The following RET variants were observed in gnomAD, a reference collection of about 807,000 sequenced individuals.
The protein encoded by RET is ret proto-oncogene, also known as proto-oncogene tyrosine-protein kinase receptor Ret.
In RET, 19 loss-of-function variants were observed where a neutral mutation model predicts 118.3. The observed-to-expected ratio is 0.16, with a 90% CI of 0.11 to 0.24. RET has a LOEUF of 0.24. Among genes scored for constraint, RET ranks in the 10% least tolerant of loss-of-function variants. RET has a pLI of 1.00. For synonymous variants in RET, 597 were observed against 644.1 expected (o/e 0.93, Z 1.11); for missense variants, 1,219 against 1,502.1 (o/e 0.81, Z 3.12).
chr10:43,099,035 CTA>C (rs1837579200), intron 1 of RET, among the ~76,000 whole-genome samples: 1 of 152,200 alleles, frequency 6.6e-6, no homozygotes, highest in Non-Finnish European at 1.5e-5. Context: ...GTTCCAAAAA[CTA>C]TTTTAAAAGC....
In RET at chr10:43,116,452, TCAGATGA is replaced by T. The variant is rs900795292; in HGVS notation, c.2137-128_2137-122del. 16 of 1,167,244 alleles carry T rather than the reference TCAGATGA, an allele frequency of 1.4e-5. No homozygotes were observed. The Admixed American group carries it at 2.6e-4, about 19-fold the overall frequency. The allele number at this position is 1,167,244 out of a possible 1,614,324, so 72.3% of individuals were successfully genotyped here. On this transcript the variant is annotated intron_variant, in intron 11 of 19. Transcript: ENST00000355710. ...AGAGACAGGCAGCGTTGCCGCTGGCTCAGATGACAGCCGGTTCTCTGCACATTGGAAC... is the reference window on the plus strand; with the variant it reads ...AGAGACAGGCAGCGTTGCCGCTGGCTCAGCCGGTTCTCTGCACATTGGAAC...
In RET at chr10:43,128,763, G is replaced by T. The variant is rs759025154; in HGVS notation, c.*494G>T. 9 of 290,504 alleles carry T rather than the reference G, an allele frequency of 3.1e-5. No individual in the cohort carries two copies. Among genetic ancestry groups the T allele is most frequent in the Non-Finnish European group, 5.2e-5 (8 of 152,900 alleles). 18.0% of individuals were successfully genotyped at this position (290,504 alleles called of 1,614,324 possible). A position where few individuals can be genotyped will look rare whatever the true frequency, so the allele number is the denominator to read the frequency against. On this transcript the variant is annotated 3_prime_UTR_variant, in exon 20 of 20. Transcript: ENST00000355710. ...CCTTATTCAGAATGAGAGACTGCGG[G>T]GGGGGCCTGGGGGTAGTGTCAATGC... is the stretch of plus-strand genomic sequence containing the variant.
At position 43,119,684 on chromosome 10, in the gene RET, G is replaced by A. The variant is rs761130672; in HGVS notation, c.2546G>A (p.Gly849Asp). 2 of 1,613,396 alleles carry A rather than the reference G, an allele frequency of 1.2e-6. No homozygotes were observed. Among genetic ancestry groups the A allele is most frequent in the Admixed American group, 1.7e-5 (1 of 60,006 alleles). The change falls in exon 14 of 20, where the codon GGC becomes GAC. Residue 849 changes from glycine (G) to aspartate (D), a missense_variant. Gly to Asp is a moderately conservative substitution (Grantham distance 94). Transcript: ENST00000355710. Reference protein sequence around the residue: ...DHPDERALTMGDLISFAWQIS... With the variant: ...DHPDERALTMDDLISFAWQIS... ...CCGGATGAGCGGGCCCTCACCATGG[G>A]CGACCTCATCTCATTTGCCTGGCAG...
At chr10:43,080,491 G>A (rs547648791) in intron 1 of RET, among the ~76,000 whole-genome samples, 20 of 152,360 alleles carry the variant, frequency 1.3e-4, no homozygotes, top group Non-Finnish European at 2.2e-4. Context: ...GACTCGAACC[G>A]GTAGAGAGGA....
chr10:43,095,876 TG>T (rs1228561043), intron 1 of RET, among the ~76,000 whole-genome samples: 8 of 152,346 alleles, frequency 5.3e-5, no homozygotes, highest in Non-Finnish European at 4.4e-5. Context: ...CCATCCTGCA[TG>T]GTGCCTGGGC....
At chr10:43,119,902 C>T (rs1244372366) in intron 14 of RET, among the ~76,000 whole-genome samples, 157 bp downstream of exon 14, 6 of 151,332 alleles carry the variant, frequency 4.0e-5, no homozygotes, top group Admixed American at 6.6e-5. Flanking sequence ...TGGCTCACCA[C>T]GCCCCTGCCA....
chr10:43,086,844 G>T (rs987569634), intron 1 of RET, among the ~76,000 whole-genome samples: 1 of 152,248 alleles, frequency 6.6e-6, no homozygotes, highest in Non-Finnish European at 1.5e-5. Flanking sequence ...GGTGGCCATC[G>T]TGCAGCTTAG....
At chr10:43,078,905 C>T (rs1460320090) in intron 1 of RET, among the ~76,000 whole-genome samples, 1 of 152,200 alleles carries the variant, frequency 6.6e-6, no homozygotes, top group African/African-American at 2.4e-5. Flanking sequence ...GTTGGAGGCA[C>T]TGGGAGTGAA....
intron 1 of RET, among the ~76,000 whole-genome samples, chr10:43,088,664 T>C (rs1395258633): frequency 1.3e-5 from 2 of 152,086 alleles, no homozygotes; most frequent in African/African-American, 4.8e-5. Context: ...TGAGTCTCAG[T>C]GGGTACAGAG....
chr10:43,093,446 G>A (rs960690527), intron 1 of RET, among the ~76,000 whole-genome samples: 1 of 152,140 alleles, frequency 6.6e-6, no homozygotes, highest in Non-Finnish European at 1.5e-5. Flanking sequence ...GGGGTGAGGA[G>A]GGGCCAAACT....
chr10:43,088,727 A>AAC (rs1184657788), intron 1 of RET, among the ~76,000 whole-genome samples: 2 of 152,080 alleles, frequency 1.3e-5, no homozygotes, highest in Non-Finnish European at 2.9e-5. Context: ...TTACCACTGC[A>AAC]ACACACACTT....
chr10:43,094,200 C>T (rs1261013134), intron 1 of RET, among the ~76,000 whole-genome samples: 1 of 151,906 alleles, frequency 6.6e-6, no homozygotes, highest in Non-Finnish European at 1.5e-5. Flanking sequence ...GCGGGGACCG[C>T]CTCTTTCCAC....
Position 43,126,721 on chromosome 10 carries a change from T to C in RET, c.3186T>C (p.Tyr1062=). 1 of 1,613,932 alleles carries C rather than the reference T, an allele frequency of 6.2e-7. No individual in the cohort carries two copies. The change falls in exon 19 of 20, where the codon TAT becomes TAC. Residue 1062 remains tyrosine, a splice_region_variant and synonymous_variant. Transcript: ENST00000355710. ...CCACATGGATTGAAAACAAACTCTA[T>C]GGTAGAATTTCCCATGCATTTACTA... The part of the protein sequence containing the change: ...LPSTWIENKL[Y]GMSDPNWPGE...
intron 8 of RET, 127 bp downstream of exon 8, chr10:43,112,351 C>A: frequency 1.2e-5 from 17 of 1,397,000 alleles, no homozygotes; most frequent in Non-Finnish European, 1.6e-5. Flanking sequence ...CCTCATCCCC[C>A]ATGTGGCTCT....
At chr10:43,080,937 G>A (rs1837165971) in intron 1 of RET, among the ~76,000 whole-genome samples, 1 of 152,218 alleles carries the variant, frequency 6.6e-6, no homozygotes, top group Admixed American at 6.5e-5. Flanking sequence ...TCGGATGGAA[G>A]CTACTGCTCT....
chr10:43,082,300 G>C (rs1837202258), intron 1 of RET, among the ~76,000 whole-genome samples: 1 of 152,204 alleles, frequency 6.6e-6, no homozygotes. Flanking sequence ...GGTCGCACCT[G>C]GCCCTGGAGG....
chr10:43,085,014 C>T (rs574880452), intron 1 of RET, among the ~76,000 whole-genome samples: 5 of 152,284 alleles, frequency 3.3e-5, no homozygotes, highest in Non-Finnish European at 5.9e-5. Context: ...TCATCATTGC[C>T]GTGGTGTGAT....
intron 1 of RET, among the ~76,000 whole-genome samples, chr10:43,099,933 C>T (rs1453884494): frequency 6.6e-6 from 1 of 152,240 alleles, no homozygotes; most frequent in Non-Finnish European, 1.5e-5. Context: ...TGCTGAAGGG[C>T]CTCTAGGCTC....
At chr10:43,086,918 T>TC (rs1216701775) in intron 1 of RET, among the ~76,000 whole-genome samples, 1 of 152,168 alleles carries the variant, frequency 6.6e-6, no homozygotes, top group African/African-American at 2.4e-5. Flanking sequence ...GGCTGCCAGG[T>TC]CCCCCAGTGC....
Sources: allele counts gnomAD v4.1 joint callset (sites outside exome capture counted in the v4.1 genomes callset), GRCh38; gene constraint gnomAD v4.1.1; transcripts MANE v1.5; gene names NCBI Gene and HGNC (gene_info 2026-07-23, HGNC 2026-07-21).